POLR3B: variants seen among roughly 807,000 people sequenced by gnomAD.
POLR3B encodes RNA polymerase III subunit B.
In POLR3B, 96 loss-of-function variants were observed where a neutral mutation model predicts 147.4. The ratio of observed to expected loss-of-function variants is 0.65; its 90% CI spans 0.55 to 0.77. The LOEUF is 0.77. POLR3B is among the 30% of genes least tolerant of loss of function. The probability of loss-of-function intolerance (pLI) is 0.00; values close to 1 mark genes in which losing one functional copy is unlikely to be tolerated. For synonymous variants in POLR3B, 461 were observed against 485.9 expected, an observed-to-expected ratio of 0.95 and a Z score of 0.67; for missense variants, 1,036 against 1,413.5, an observed-to-expected ratio of 0.73 and a Z score of 4.28.
In POLR3B at chr12:106,430,209, C is replaced by T. The variant is rs571896242; in HGVS notation, c.1264-64C>T. On this transcript the variant is annotated intron_variant, in intron 13 of 27. Transcript: ENST00000228347. The stretch of plus-strand genomic sequence containing the variant: ...CCTGTAATGAACTTCTTGGAGTGAC[C>T]GCACGGTATCAGACAACATAGGATT... 7.9e-5 allele frequency: 100 copies of T among 1,258,762 alleles called. No homozygotes were observed. The Middle Eastern group carries it at 1.8e-3, about 23-fold the overall frequency. 78.0% of individuals were successfully genotyped at this position (1,258,762 alleles called of 1,614,324 possible).
chr12:106,405,289 A>G (rs2037135488), intron 10 of POLR3B, among the ~76,000 whole-genome samples: 1 of 152,168 alleles, frequency 6.6e-6, no homozygotes, highest in Non-Finnish European at 1.5e-5. Flanking sequence ...TATAATGAAC[A>G]GTTATGAATG....
chr12:106,398,772 A>C (rs975010390), intron 10 of POLR3B, among the ~76,000 whole-genome samples: 6 of 152,220 alleles, frequency 3.9e-5, no homozygotes, highest in Admixed American at 2.0e-4. Flanking sequence ...AGCTGAGGGT[A>C]CTGTCTGTTA....
chr12:106,495,930 A>C, intron 23 of POLR3B, 125 bp from the exon 24 acceptor site: 1 of 774,456 alleles, frequency 1.3e-6, no homozygotes, highest in Non-Finnish European at 2.4e-6. Flanking sequence ...TGCTCTTGAT[A>C]GAGGCCATGG....
intron 23 of POLR3B, among the ~76,000 whole-genome samples, chr12:106,478,449 AG>A (rs1425734029): frequency 1.3e-5 from 2 of 152,040 alleles, no homozygotes; most frequent in African/African-American, 2.4e-5. Context: ...GCGAAACTGA[AG>A]GAGTCCTCCT....
chr12:106,495,942 G>T (rs1592775452), intron 23 of POLR3B, 113 bp from the exon 24 acceptor site: 1 of 784,924 alleles, frequency 1.3e-6, no homozygotes, highest in East Asian at 2.4e-5. Flanking sequence ...AGGCCATGGG[G>T]AAGATTTTAG....
At chr12:106,384,007 A>G (rs1187374546) in intron 9 of POLR3B, among the ~76,000 whole-genome samples, 2 of 152,040 alleles carry the variant, frequency 1.3e-5, no homozygotes, top group Non-Finnish European at 2.9e-5. Flanking sequence ...AAAAAAAAAA[A>G]GATCATTGAT....
At chr12:106,495,229 C>A (rs1278493806) in intron 23 of POLR3B, among the ~76,000 whole-genome samples, 1 of 152,130 alleles carries the variant, frequency 6.6e-6, no homozygotes, top group Non-Finnish European at 1.5e-5. Context: ...GCAACAAAAT[C>A]CCCTATAGGT....
At chr12:106,372,634 C>T (rs1482110228) in intron 6 of POLR3B, among the ~76,000 whole-genome samples, 4 of 152,088 alleles carry the variant, frequency 2.6e-5, no homozygotes, top group East Asian at 1.9e-4. Context: ...AACTACCATG[C>T]GTGGCCAATA....
rs2037614001 is a variant in POLR3B at position 106,438,874 on chromosome 12, GT to G, written c.1955+1096del. Among the ~76,000 whole-genome samples, 18 of 152,302 alleles carry G rather than the reference GT, an allele frequency of 1.2e-4. No homozygotes were observed. In the South Asian group the frequency reaches 3.7e-3, roughly 32 times the overall value. On this transcript the variant is annotated intron_variant, in intron 18 of 27. Transcript: ENST00000228347. Reference sequence around the variant, plus strand: ...TGTGCAGTATGCACTTGAATTGGTAGTATGTTCACAATATTTCTTCTTGAAC... The same window carrying G: ...TGTGCAGTATGCACTTGAATTGGTAGATGTTCACAATATTTCTTCTTGAAC...
intron 12 of POLR3B, 119 bp downstream of exon 12, chr12:106,411,079 A>G: frequency 1.2e-6 from 1 of 836,146 alleles, no homozygotes; most frequent in Non-Finnish European, 2.0e-6. Flanking sequence ...AAGTATAAAC[A>G]TTTCATACCT....
chr12:106,429,850 G>A (rs887506283), intron 13 of POLR3B, among the ~76,000 whole-genome samples: 1 of 152,088 alleles, frequency 6.6e-6, no homozygotes, highest in Non-Finnish European at 1.5e-5. Context: ...CCAAATAATA[G>A]CACATTCCTA....
intron 23 of POLR3B, among the ~76,000 whole-genome samples, chr12:106,488,157 A>G (rs978090965): frequency 1.3e-5 from 2 of 152,220 alleles, no homozygotes; most frequent in African/African-American, 4.8e-5. Flanking sequence ...TACTTTTTAG[A>G]TGAGGACATT....
At chr12:106,381,645 C>G (rs1364126871) in intron 9 of POLR3B, among the ~76,000 whole-genome samples, 1 of 152,214 alleles carries the variant, frequency 6.6e-6, no homozygotes, top group Admixed American at 6.5e-5. Context: ...TTAAACCCCT[C>G]AAAATCATCC....
intron 11 of POLR3B, among the ~76,000 whole-genome samples, chr12:106,408,890 T>C (rs2037184152): frequency 6.6e-6 from 1 of 152,206 alleles, no homozygotes; most frequent in African/African-American, 2.4e-5. Flanking sequence ...TTCCAGCATA[T>C]AGTCATTAAA....
chr12:106,414,823 A>T (rs1334256256), intron 12 of POLR3B, among the ~76,000 whole-genome samples: 1 of 152,216 alleles, frequency 6.6e-6, no homozygotes, highest in Non-Finnish European at 1.5e-5. Context: ...AACTAATAAG[A>T]TGCCCCAGAT....
At chr12:106,397,992 A>G (rs1393027386) in intron 10 of POLR3B, among the ~76,000 whole-genome samples, 1 of 152,236 alleles carries the variant, frequency 6.6e-6, no homozygotes, top group Non-Finnish European at 1.5e-5. Flanking sequence ...TGTGCCAGAC[A>G]GTGGGTGCAG....
At chr12:106,507,729 C>T (rs766113802) in intron 27 of POLR3B, 1 of 455,472 alleles carries the variant, frequency 2.2e-6, no homozygotes, top group Non-Finnish European at 4.4e-6. Flanking sequence ...AGTCTTCTCC[C>T]ATTCTCCTCC....
chr12:106,395,862 C>T (rs1264024873), intron 10 of POLR3B, among the ~76,000 whole-genome samples: 2 of 151,992 alleles, frequency 1.3e-5, no homozygotes, highest in African/African-American at 4.8e-5. Context: ...CCCAGCTACT[C>T]GGGAGGCTGA....
chr12:106,411,386 T>C (rs1593026283), intron 12 of POLR3B, among the ~76,000 whole-genome samples: 1 of 152,090 alleles, frequency 6.6e-6, no homozygotes, highest in Non-Finnish European at 1.5e-5. Flanking sequence ...GATCTGCCCA[T>C]CTCAGCCTCC....
Sources: gnomAD v4.1 joint callset for allele counts (sites outside exome capture counted in the v4.1 genomes callset) on GRCh38, gnomAD v4.1.1 for gene constraint, MANE v1.5 for transcripts, NCBI Gene and HGNC (gene_info 2026-07-23, HGNC 2026-07-21) for gene names.